LNPK: variants seen among roughly 807,000 people sequenced by gnomAD.
The protein encoded by LNPK is endoplasmic reticulum junction formation protein lunapark.
LNPK carries 29 observed loss-of-function variants against 55.2 expected under a neutral mutation model. The observed-to-expected ratio is 0.53, with a 90% CI of 0.39 to 0.72. The LOEUF is 0.72. Ranked by LOEUF, LNPK falls within the 30% of genes least tolerant of loss-of-function variation. The pLI is 0.00. For synonymous variants in LNPK, 162 were observed against 168.2 expected (o/e 0.96, Z 0.29); for missense variants, 467 against 494.8 (o/e 0.94, Z 0.53).
At chr2:175,974,624 C>A (rs2105664961) in intron 5 of LNPK, among the ~76,000 whole-genome samples, 1 of 152,230 alleles carries the variant, frequency 6.6e-6, no homozygotes, top group African/African-American at 2.4e-5. Context: ...ATGAGCTGTA[C>A]AAAGCAGTGG....
chr2:175,990,030 T>C (rs1235191815), intron 4 of LNPK, among the ~76,000 whole-genome samples: 1 of 152,212 alleles, frequency 6.6e-6, no homozygotes, highest in Non-Finnish European at 1.5e-5. Context: ...ATATAATCAA[T>C]GTACACAGTG....
Position 175,929,160 on chromosome 2 carries a change from C to T in LNPK, c.*807G>A. 1 of 978,506 alleles carries T rather than the reference C, an allele frequency of 1.0e-6. No homozygotes were observed. The highest frequency in any genetic ancestry group is 1.2e-6 in the Non-Finnish European group (1 of 823,442). 60.6% of individuals were successfully genotyped at this position (978,506 alleles called of 1,614,324 possible). Reference sequence around the variant, plus strand: ...TTCATTTTCCTTAATAAAATACAAACAAGAGCACAAAATTCACTTATATAT... The same window carrying T: ...TTCATTTTCCTTAATAAAATACAAATAAGAGCACAAAATTCACTTATATAT... On this transcript the variant is annotated 3_prime_UTR_variant, in exon 13 of 13. Transcript: ENST00000272748.
chr2:175,964,757 AAT>A (rs888412317), intron 6 of LNPK, among the ~76,000 whole-genome samples, 168 bp from the exon 7 acceptor site: 2 of 152,194 alleles, frequency 1.3e-5, no homozygotes, highest in Admixed American at 1.3e-4. Context: ...TCTAACCTCT[AAT>A]ATGTTACTTG....
chr2:175,976,664 C>T (rs1230372492), intron 5 of LNPK, among the ~76,000 whole-genome samples: 1 of 152,162 alleles, frequency 6.6e-6, no homozygotes, highest in Admixed American at 6.5e-5. Flanking sequence ...ACACCATGCC[C>T]GACTCCCTGG....
At chr2:175,969,533 G>A (rs1280404006) in intron 6 of LNPK, among the ~76,000 whole-genome samples, 2 of 152,008 alleles carry the variant, frequency 1.3e-5, no homozygotes, top group African/African-American at 4.8e-5. Context: ...GCTTTCCTTT[G>A]TCTTCCTCTT....
chr2:175,984,227 A>G (rs1687305856), intron 4 of LNPK, among the ~76,000 whole-genome samples: 1 of 151,718 alleles, frequency 6.6e-6, no homozygotes, highest in African/African-American at 2.4e-5. Context: ...CCCAGGCTAG[A>G]GTGCAGTGGG....
intron 5 of LNPK, among the ~76,000 whole-genome samples, chr2:175,975,025 T>TC (rs1337290765): frequency 6.6e-6 from 1 of 151,594 alleles, no homozygotes; most frequent in Non-Finnish European, 1.5e-5. Context: ...TTTTTTTTTT[T>TC]TTACTATCTT....
chr2:175,949,948 G>A lies in LNPK; in HGVS notation c.494-2256C>T, dbSNP rs1209237283. On this transcript the variant is annotated intron_variant, in intron 8 of 12. Coordinates refer to ENST00000272748, the MANE Select transcript of LNPK (RefSeq NM_030650.3). Reference sequence around the variant, plus strand: ...CTTTTAACTACTTGTGATTCATAAAGTTTTGTATTAATTACTCTAAAAAGT... The same window carrying A: ...CTTTTAACTACTTGTGATTCATAAAATTTTGTATTAATTACTCTAAAAAGT... 2.0e-5 allele frequency among the ~76,000 whole-genome samples: 3 copies of A among 151,882 alleles called. No homozygotes were observed. The East Asian group carries it at 5.8e-4, about 29-fold the overall frequency.
intron 4 of LNPK, among the ~76,000 whole-genome samples, chr2:175,986,987 CG>C (rs1428209355): frequency 2.8e-5 from 4 of 142,380 alleles, no homozygotes; most frequent in Middle Eastern, 3.8e-3. Flanking sequence ...AAAAAACAAA[CG>C]AAAAAAACAA....
chr2:175,933,524 C>T (rs1259997964), intron 12 of LNPK, among the ~76,000 whole-genome samples: 1 of 152,000 alleles, frequency 6.6e-6, no homozygotes, highest in Non-Finnish European at 1.5e-5. Flanking sequence ...AAACAAGGCA[C>T]TTTTTACGAG....
intron 4 of LNPK, among the ~76,000 whole-genome samples, chr2:175,990,074 G>A (rs1292825683): frequency 6.6e-6 from 1 of 152,090 alleles, no homozygotes; most frequent in Admixed American, 6.5e-5. Context: ...TGCCCCTTTT[G>A]CCTCTAAGTC....
intron 4 of LNPK, among the ~76,000 whole-genome samples, chr2:175,985,744 A>C (rs2105700791): frequency 6.6e-6 from 1 of 152,352 alleles, no homozygotes; most frequent in African/African-American, 2.4e-5. Flanking sequence ...AGGCATAGTA[A>C]GAGATTAACA....
chr2:175,939,311 C>T (rs1205529123), intron 10 of LNPK, among the ~76,000 whole-genome samples: 1 of 152,114 alleles, frequency 6.6e-6, no homozygotes, highest in Non-Finnish European at 1.5e-5. Context: ...ATGAAATAAT[C>T]CAGTTTCTCT....
intron 8 of LNPK, among the ~76,000 whole-genome samples, chr2:175,952,702 A>C (rs1166817267): frequency 6.7e-6 from 1 of 150,246 alleles, no homozygotes; most frequent in African/African-American, 2.4e-5. Flanking sequence ...TTGAAAAACA[A>C]AAAAAAAAAC....
At chr2:175,935,323 T>G (rs1284403245) in intron 12 of LNPK, among the ~76,000 whole-genome samples, 4 of 152,270 alleles carry the variant, frequency 2.6e-5, no homozygotes, top group East Asian at 3.9e-4. Context: ...ATCAGAAATC[T>G]AAAACACTGT....
chr2:175,939,737 A>G, intron 9 of LNPK, 80 bp from the exon 10 acceptor site: 1 of 622,566 alleles, frequency 1.6e-6, no homozygotes, highest in South Asian at 3.0e-5. Context: ...AGAACTACCT[A>G]TACTTGTTAG....
At chr2:175,960,936 A>T (rs1304101994) in intron 8 of LNPK, among the ~76,000 whole-genome samples, 1 of 152,198 alleles carries the variant, frequency 6.6e-6, no homozygotes, top group Non-Finnish European at 1.5e-5. Context: ...AGACACCTCT[A>T]TGCAAATAAA....
chr2:175,985,515 G>A (rs1687364144), intron 4 of LNPK, among the ~76,000 whole-genome samples: 1 of 152,042 alleles, frequency 6.6e-6, no homozygotes, highest in African/African-American at 2.4e-5. Flanking sequence ...CATTCACTTT[G>A]GGTCAGTTAT....
chr2:175,991,442 C>A (rs1687697299), intron 4 of LNPK, among the ~76,000 whole-genome samples: 2 of 152,162 alleles, frequency 1.3e-5, no homozygotes, highest in South Asian at 2.1e-4. Flanking sequence ...TATAATTTTA[C>A]AAGCTTCAGG....
Sources: gnomAD v4.1 joint callset for allele counts (sites outside exome capture counted in the v4.1 genomes callset) on GRCh38, gnomAD v4.1.1 for gene constraint, MANE v1.5 for transcripts, NCBI Gene and HGNC (gene_info 2026-07-23, HGNC 2026-07-21) for gene names.